The following PLD1 variants were observed in gnomAD, a reference collection of about 807,000 sequenced individuals.
The protein encoded by PLD1 is phospholipase D1, also known as choline phosphatase 1.
Under a neutral mutation model 137.1 loss-of-function variants are expected in PLD1, and 112 were observed. The observed-to-expected ratio is 0.82, with a 90% CI of 0.70 to 0.96. The LOEUF (loss-of-function observed/expected upper bound fraction) is 0.96, where lower values mean the gene tolerates loss of function less well. Among genes scored for constraint, PLD1 ranks in the 40% least tolerant of loss-of-function variants. The pLI is 0.00. For missense variants in PLD1, 1,321 were observed against 1,342.0 expected (o/e 0.98, Z 0.24); for synonymous variants, 431 against 454.7 (o/e 0.95, Z 0.66).
chr3:171,631,944 G>A (rs886961264), intron 23 of PLD1, among the ~76,000 whole-genome samples: 1 of 152,128 alleles, frequency 6.6e-6, no homozygotes, highest in Non-Finnish European at 1.5e-5. Flanking sequence ...GCTAAAACCA[G>A]GAGGTCAATG....
intron 9 of PLD1, among the ~76,000 whole-genome samples, chr3:171,710,403 T>A (rs549218410): frequency 6.6e-6 from 1 of 152,138 alleles, no homozygotes; most frequent in Non-Finnish European, 1.5e-5. Flanking sequence ...CCACGGATGA[T>A]GGGGAGTAGT....
chr3:171,776,085 ATGTATTAGCC>A (rs1560297897), intron 1 of PLD1, among the ~76,000 whole-genome samples: 1 of 152,212 alleles, frequency 6.6e-6, no homozygotes, highest in Non-Finnish European at 1.5e-5. Context: ...GGGCTTTCAC[ATGTATTAGCC>A]TGTTAGTTCA....
intron 9 of PLD1, among the ~76,000 whole-genome samples, chr3:171,712,309 G>GAGAC (rs1208093725): frequency 1.3e-5 from 2 of 152,180 alleles, no homozygotes; most frequent in Non-Finnish European, 2.9e-5. Flanking sequence ...TCTAGGGATG[G>GAGAC]AGACGAGAGG....
intron 9 of PLD1, among the ~76,000 whole-genome samples, chr3:171,710,442 C>T (rs116267141): frequency 1.3e-5 from 2 of 152,080 alleles, no homozygotes; most frequent in Non-Finnish European, 2.9e-5. Flanking sequence ...CACCTCAGGC[C>T]ATCAGGAAGT....
intron 13 of PLD1, among the ~76,000 whole-genome samples, chr3:171,691,715 A>T (rs941394073): frequency 3.9e-4 from 59 of 152,322 alleles, no homozygotes; most frequent in African/African-American, 1.3e-3. Context: ...CTTTGGGAGA[A>T]AACACTTTCA....
At chr3:171,696,285 G>A (rs1715683402) in intron 12 of PLD1, among the ~76,000 whole-genome samples, 1 of 152,208 alleles carries the variant, frequency 6.6e-6, no homozygotes, top group South Asian at 2.1e-4. Flanking sequence ...ACTGTGGAAA[G>A]CCCTGAGATG....
chr3:171,685,558 C>T (rs1238051557), intron 16 of PLD1, among the ~76,000 whole-genome samples: 4 of 152,138 alleles, frequency 2.6e-5, no homozygotes, highest in Admixed American at 1.3e-4. Context: ...AATATCACTA[C>T]CAAGCACTGC....
At chr3:171,798,304 G>A (rs1468096490) in intron 1 of PLD1, among the ~76,000 whole-genome samples, 1 of 152,156 alleles carries the variant, frequency 6.6e-6, no homozygotes, top group African/African-American at 2.4e-5. Flanking sequence ...CTAGGCTGGG[G>A]CTATGATACC....
chr3:171,649,110 C>CT (rs370348297), intron 21 of PLD1, among the ~76,000 whole-genome samples: 9 of 150,922 alleles, frequency 6.0e-5, no homozygotes, highest in African/African-American at 1.7e-4. Context: ...TCTATTTTAT[C>CT]TTTTTTTTTA....
chr3:171,650,586 A>G (rs2108400040), intron 21 of PLD1, among the ~76,000 whole-genome samples: 1 of 152,294 alleles, frequency 6.6e-6, no homozygotes. Context: ...ATAGAAGGGA[A>G]ATAATGAGAA....
chr3:171,624,662 G>A (rs1308633046), intron 23 of PLD1, among the ~76,000 whole-genome samples: 1 of 152,110 alleles, frequency 6.6e-6, no homozygotes, highest in East Asian at 1.9e-4. Flanking sequence ...ATAACACAGT[G>A]ATTGAATAAA....
At chr3:171,683,230 T>C (rs1714190279) in intron 16 of PLD1, among the ~76,000 whole-genome samples, 2 of 152,184 alleles carry the variant, frequency 1.3e-5, no homozygotes, top group Admixed American at 6.5e-5. Context: ...CCTCAAAATA[T>C]ATTCACAACC....
Position 171,744,405 on chromosome 3 carries a change from G to A in PLD1, c.-31-6323C>T, listed in dbSNP as rs374439491. Among the ~76,000 whole-genome samples the A allele has an allele frequency of 3.9e-5, 6 of 152,230 alleles. No homozygotes were observed. The East Asian group carries it at 5.8e-4, about 15-fold the overall frequency. ...ACCTGTGAGTCCAGCTTGCTATTAT[G>A]TCTATGGTTCTAAGAGTCAGAAGTC... On this transcript the variant is annotated intron_variant, in intron 1 of 26. Transcript: ENST00000351298.
intron 25 of PLD1, among the ~76,000 whole-genome samples, chr3:171,610,299 C>T (rs1296375966): frequency 1.3e-5 from 2 of 151,980 alleles, no homozygotes; most frequent in Admixed American, 1.3e-4. Flanking sequence ...GAAGAATACT[C>T]GATGACATGG....
chr3:171,651,401 A>G (rs1160650854), intron 21 of PLD1, among the ~76,000 whole-genome samples: 1 of 151,918 alleles, frequency 6.6e-6, no homozygotes, highest in African/African-American at 2.4e-5. Flanking sequence ...TTGGATCTGT[A>G]GCTTCTTGGT....
chr3:171,777,804 C>T (rs1722642127), intron 1 of PLD1, among the ~76,000 whole-genome samples: 2 of 152,062 alleles, frequency 1.3e-5, no homozygotes, highest in African/African-American at 2.4e-5. Flanking sequence ...TAAAAAAAAA[C>T]AAAATTGCTC....
intron 6 of PLD1, among the ~76,000 whole-genome samples, chr3:171,728,477 C>G (rs1718703074): frequency 6.6e-6 from 1 of 152,144 alleles, no homozygotes; most frequent in South Asian, 2.1e-4. Context: ...GATTGCCAGC[C>G]ATAAAATCCA....
At chr3:171,792,602 T>G (rs966723359) in intron 1 of PLD1, 1 of 456,692 alleles carries the variant, frequency 2.2e-6, no homozygotes, top group Non-Finnish European at 4.4e-6. Context: ...TGGCTGAGGC[T>G]GATGGAGCAA....
chr3:171,601,689 T>C lies in PLD1; in HGVS notation c.*1389A>G, dbSNP rs1731839538. On this transcript the variant is annotated 3_prime_UTR_variant, in exon 27 of 27. Coordinates refer to ENST00000351298, the MANE Select transcript of PLD1 (RefSeq NM_002662.5). ...AAACAGGGATCGGCTGCTTGCTTCTTTGAAGAACAACCCAAATGAGAGTAT... is the reference window on the plus strand; with the variant it reads ...AAACAGGGATCGGCTGCTTGCTTCTCTGAAGAACAACCCAAATGAGAGTAT... 1 of 152,168 alleles carries C rather than the reference T, an allele frequency of 6.6e-6. No homozygotes were observed. Among genetic ancestry groups the C allele is most frequent in the African/African-American group, 2.4e-5 (1 of 41,424 alleles). The allele number at this position is 152,168 out of a possible 1,614,324, so 9.4% of individuals were successfully genotyped here. A position where few individuals can be genotyped will look rare whatever the true frequency, so the allele number is the denominator to read the frequency against.
Sources: allele counts gnomAD v4.1 joint callset (sites outside exome capture counted in the v4.1 genomes callset), GRCh38; gene constraint gnomAD v4.1.1; transcripts MANE v1.5; gene names NCBI Gene and HGNC (gene_info 2026-07-23, HGNC 2026-07-21).